PUDP: variants seen among roughly 807,000 people sequenced by gnomAD.
The protein encoded by PUDP is pseudouridine-5'-phosphatase.
PUDP carries 8 observed loss-of-function variants against 9.4 expected under a neutral mutation model. That is an observed-to-expected ratio of 0.85 (90% CI 0.50 to 1.53). PUDP has a LOEUF of 1.53. PUDP is among the 40% of genes most tolerant of loss of function. The pLI is 0.00. For synonymous variants in PUDP, 99 were observed against 80.7 expected (o/e 1.23, Z -1.22); for missense variants, 188 against 189.7 (o/e 0.99, Z 0.05).
chrX:6,794,457 G>C (rs1001578461), intron 3 of PUDP, among the ~76,000 whole-genome samples: 1 of 112,083 alleles, frequency 8.9e-6, no homozygotes, highest in Admixed American at 9.5e-5. Context: ...GTGAGTCAGT[G>C]AGTAATGAGT....
At chrX:6,907,299 G>T (rs1014221679) in intron 3 of PUDP, among the ~76,000 whole-genome samples, 2 of 111,210 alleles carry the variant, frequency 1.8e-5, no homozygotes, top group Non-Finnish European at 3.8e-5. Flanking sequence ...GTTTCCTAAG[G>T]ACTCCACAGC....
At chrX:6,915,805 A>G (rs757709992) in intron 3 of PUDP, among the ~76,000 whole-genome samples, 1 of 111,959 alleles carries the variant, frequency 8.9e-6, no homozygotes, top group African/African-American at 3.2e-5. Context: ...CCACAATAGC[A>G]TCTGTTCAAT....
intron 3 of PUDP, among the ~76,000 whole-genome samples, chrX:6,906,327 C>T (rs1433715787): frequency 8.9e-6 from 1 of 112,003 alleles, no homozygotes; most frequent in Non-Finnish European, 1.9e-5. Context: ...ATTTAAAACA[C>T]GACTCTAGGG....
At chrX:6,899,014 G>A (rs1460193456) in intron 3 of PUDP, among the ~76,000 whole-genome samples, 1 of 111,799 alleles carries the variant, frequency 8.9e-6, no homozygotes, top group Non-Finnish European at 1.9e-5. Context: ...TCCTAAGAGG[G>A]CTGGTTGAAG....
intron 3 of PUDP, among the ~76,000 whole-genome samples, chrX:6,824,024 C>A (rs1286883593): frequency 8.9e-6 from 1 of 111,769 alleles, no homozygotes; most frequent in Non-Finnish European, 1.9e-5. Context: ...GACTTTACGA[C>A]CTGTGATATA....
intron 2 of PUDP, among the ~76,000 whole-genome samples, chrX:7,088,532 CAACTT>C (rs1931331268): frequency 8.9e-6 from 1 of 112,208 alleles, no homozygotes; most frequent in Admixed American, 9.5e-5. Context: ...GTCTCTGTAA[CAACTT>C]AACGTGAAAA....
chrX:6,920,152 C>G (rs1033493807), intron 3 of PUDP, among the ~76,000 whole-genome samples: 4 of 109,803 alleles, frequency 3.6e-5, no homozygotes, highest in Non-Finnish European at 7.6e-5. Context: ...ATAATCGCAT[C>G]CTTTCAAGCA....
intron 3 of PUDP, among the ~76,000 whole-genome samples, chrX:6,955,131 T>G (rs772435613): frequency 8.9e-6 from 1 of 112,492 alleles, no homozygotes; most frequent in East Asian, 2.8e-4. Context: ...TGGGCAGATT[T>G]CTTGCTGAAC....
chrX:7,090,199 A>T (rs1323847551), intron 2 of PUDP, among the ~76,000 whole-genome samples: 4 of 111,164 alleles, frequency 3.6e-5, no homozygotes, highest in African/African-American at 9.8e-5. Flanking sequence ...AATTTAAAGT[A>T]TATATAGTAT....
intron 3 of PUDP, among the ~76,000 whole-genome samples, chrX:6,900,837 G>A (rs1315397142): frequency 5.5e-5 from 6 of 108,478 alleles, no homozygotes; most frequent in Non-Finnish European, 9.5e-5. Context: ...GAGTGCAGTG[G>A]TGCGATCTCA....
chrX:6,805,968 C>A (rs1193053181), intron 3 of PUDP, among the ~76,000 whole-genome samples: 1 of 111,544 alleles, frequency 9.0e-6, no homozygotes, highest in Non-Finnish European at 1.9e-5. Context: ...CCAATTAACA[C>A]GCAGATTGTG....
chrX:6,969,183 C>G (rs1928833441), intron 3 of PUDP, among the ~76,000 whole-genome samples: 1 of 112,415 alleles, frequency 8.9e-6, no homozygotes. Flanking sequence ...CACCCTAAGG[C>G]TGAGATGTCC....
At chrX:6,858,184 T>C (rs1200097199) in intron 3 of PUDP, among the ~76,000 whole-genome samples, 5 of 111,438 alleles carry the variant, frequency 4.5e-5, no homozygotes, top group African/African-American at 1.3e-4. Flanking sequence ...TGAAACTCAG[T>C]AGAGCTTCCT....
intron 3 of PUDP, among the ~76,000 whole-genome samples, chrX:6,951,143 T>C (rs1928549377): frequency 9.0e-6 from 1 of 111,538 alleles, no homozygotes; most frequent in Non-Finnish European, 1.9e-5. Context: ...TGAATCTCTA[T>C]CTAAATATAG....
downstream of PUDP, among the ~76,000 whole-genome samples, chrX:7,044,828 T>C (rs1929964196): frequency 8.9e-6 from 1 of 112,867 alleles, no homozygotes; most frequent in South Asian, 3.7e-4. Flanking sequence ...CCTGTGAGTT[T>C]TCCCTATTTC....
At chrX:6,828,630 A>G (rs1195353231) in intron 3 of PUDP, among the ~76,000 whole-genome samples, 3 of 111,331 alleles carry the variant, frequency 2.7e-5, no homozygotes, top group African/African-American at 9.8e-5. Flanking sequence ...CAAATGTATC[A>G]TGACATTGGA....
chrX:6,722,953 C>A (rs1252881026), upstream of PUDP, among the ~76,000 whole-genome samples: 1 of 111,547 alleles, frequency 9.0e-6, no homozygotes, highest in Non-Finnish European at 1.9e-5. Context: ...ATTTTTCACA[C>A]TCTTGATAAT....
chrX:6,846,495 G>A (rs1228107791), intron 3 of PUDP, among the ~76,000 whole-genome samples: 1 of 109,674 alleles, frequency 9.1e-6, no homozygotes, highest in East Asian at 2.9e-4. Context: ...ACAGGGGCAT[G>A]GCTGTGAGAC....
At chrX:6,846,357 C>T (rs1186104928) in intron 3 of PUDP, among the ~76,000 whole-genome samples, 1 of 102,104 alleles carries the variant, frequency 9.8e-6, no homozygotes, top group African/African-American at 3.7e-5. Context: ...TTGCAGTGAG[C>T]GGAGATCGTG....
Sources: allele counts gnomAD v4.1 joint callset (sites outside exome capture counted in the v4.1 genomes callset), GRCh38; gene constraint gnomAD v4.1.1; transcripts MANE v1.5; gene names NCBI Gene and HGNC (gene_info 2026-07-23, HGNC 2026-07-21).